TRPC6: variants seen among roughly 807,000 people sequenced by gnomAD.
The protein encoded by TRPC6 is transient receptor potential cation channel subfamily C member 6.
In TRPC6, 55 loss-of-function variants were observed where a neutral mutation model predicts 90.7. The observed-to-expected ratio is 0.61, with a 90% CI of 0.49 to 0.76. TRPC6 has a LOEUF of 0.76. Among genes scored for constraint, TRPC6 ranks in the 30% least tolerant of loss-of-function variants. The pLI, the probability that TRPC6 is intolerant of heterozygous loss-of-function variation, is 0.00. For synonymous variants in TRPC6, 393 were observed against 393.0 expected (o/e 1.00, Z 0.00); for missense variants, 989 against 1,122.7 (o/e 0.88, Z 1.70).
At chr11:101,463,629 G>T (rs373828174) in intron 10 of TRPC6, among the ~76,000 whole-genome samples, 1 of 152,146 alleles carries the variant, frequency 6.6e-6, no homozygotes, top group Non-Finnish European at 1.5e-5. Flanking sequence ...ATGGCAGTTT[G>T]TATTTCTGTG....
rs573864895 is a variant in TRPC6 at position 101,526,861 on chromosome 11, CAAAAAAAAAAAAAAAAAAAAA to C, written c.171-22084_171-22064del. Among the ~76,000 whole-genome samples, 3 of 36,120 alleles carry C rather than the reference CAAAAAAAAAAAAAAAAAAAAA, an allele frequency of 8.3e-5. No homozygotes were observed. The East Asian group carries it at 3.4e-3, about 41-fold the overall frequency. The allele number at this position is 36,120 out of a possible 152,430, so 23.7% of individuals were successfully genotyped here. On this transcript the variant is annotated intron_variant, in intron 1 of 12. Transcript: ENST00000344327. ...CCTGGGTGACAGAAGGAGACTGTCT[CAAAAAAAAAAAAAAAAAAAAA>C]AAAAAAAAAAAAAAAATTAAATAGT...
chr11:101,454,969 C>G (rs774686407), intron 11 of TRPC6, 49 bp downstream of exon 11: 1 of 1,457,670 alleles, frequency 6.9e-7, no homozygotes, highest in Non-Finnish European at 9.6e-7. Context: ...GTTCAAGAAC[C>G]TAAATATTAC....
intron 5 of TRPC6, among the ~76,000 whole-genome samples, chr11:101,478,503 C>CTT (rs1486688959): frequency 6.6e-6 from 1 of 152,122 alleles, no homozygotes; most frequent in East Asian, 1.9e-4. Flanking sequence ...TTTCTTTTCT[C>CTT]TTTCTCTCTT....
At chr11:101,538,952 G>A (rs1861114390) in intron 1 of TRPC6, among the ~76,000 whole-genome samples, 1 of 152,108 alleles carries the variant, frequency 6.6e-6, no homozygotes. Context: ...CTCAATAAGA[G>A]CCCAGACAGC....
At chr11:101,569,677 C>G (rs1861914279) in intron 1 of TRPC6, among the ~76,000 whole-genome samples, 1 of 152,142 alleles carries the variant, frequency 6.6e-6, no homozygotes, top group African/African-American at 2.4e-5. Context: ...GTCTCTCAGA[C>G]CACAGCGCAA....
chr11:101,547,498 C>T (rs924450380), intron 1 of TRPC6, among the ~76,000 whole-genome samples: 2 of 150,942 alleles, frequency 1.3e-5, no homozygotes, highest in African/African-American at 4.9e-5. Context: ...CCAAAACCTT[C>T]TTGGTTCAAA....
Position 101,548,457 on chromosome 11 carries a change from G to GAT in TRPC6, c.170+34875_170+34876dup, listed in dbSNP as rs143790648. Among the ~76,000 whole-genome samples, 167 of 123,464 alleles carry GAT rather than the reference G, an allele frequency of 1.4e-3. 1 individual carries two copies. Among genetic ancestry groups the GAT allele is most frequent in the Middle Eastern group, 0.012 (3 of 258 alleles). 81.0% of individuals were successfully genotyped at this position (123,464 alleles called of 152,430 possible). A position where few individuals can be genotyped will look rare whatever the true frequency, so the allele number is the denominator to read the frequency against. Reference sequence around the variant, plus strand: ...TATATAATACATAATTATATATACTGATATATATATATATATATATCTCTC... The same window carrying GAT: ...TATATAATACATAATTATATATACTGATATATATATATATATATATATCTCTC... On this transcript the variant is annotated intron_variant, in intron 1 of 12. Coordinates refer to ENST00000344327, the MANE Select transcript of TRPC6 (RefSeq NM_004621.6).
chr11:101,571,503 G>A (rs1861963693), intron 1 of TRPC6, among the ~76,000 whole-genome samples: 1 of 152,128 alleles, frequency 6.6e-6, no homozygotes, highest in South Asian at 2.1e-4. Flanking sequence ...TTTCTTCACA[G>A]AATTGGAAAA....
intron 1 of TRPC6, among the ~76,000 whole-genome samples, chr11:101,506,233 G>C (rs1458488941): frequency 6.8e-6 from 1 of 147,604 alleles, no homozygotes; most frequent in Non-Finnish European, 1.5e-5. Context: ...GGTTATAGGG[G>C]AGGCTAAAGA....
intron 1 of TRPC6, among the ~76,000 whole-genome samples, chr11:101,580,631 C>T (rs1862174976): frequency 1.4e-5 from 2 of 147,642 alleles, no homozygotes; most frequent in Non-Finnish European, 3.0e-5. Context: ...ACTGAAGCCC[C>T]ATAAATATAT....
intron 1 of TRPC6, among the ~76,000 whole-genome samples, chr11:101,579,924 T>A (rs1048546134): frequency 1.3e-5 from 2 of 152,174 alleles, no homozygotes; most frequent in East Asian, 1.9e-4. Context: ...GGCAACCACA[T>A]CATCACTTCA....
At chr11:101,517,316 T>C (rs1177491199) in intron 1 of TRPC6, among the ~76,000 whole-genome samples, 2 of 152,230 alleles carry the variant, frequency 1.3e-5, no homozygotes, top group African/African-American at 2.4e-5. Context: ...AAAGAAAAGT[T>C]CTATTTTCCA....
rs144964201 is a variant in TRPC6, at chr11:101,469,521, A to G, written c.2410-20T>C. On this transcript the variant is annotated intron_variant, in intron 9 of 12. Transcript: ENST00000344327. ...ATTTATCTTTTAAAGATAGATAGTA[A>G]AATGAGTATAACTGCATAACCAATT... is the stretch of plus-strand genomic sequence containing the variant. The G allele has an allele frequency of 4.0e-6, 3 of 741,498 alleles. No individual in the cohort carries two copies. Among genetic ancestry groups the G allele is most frequent in the African/African-American group, 3.4e-5 (2 of 58,310 alleles). The allele number at this position is 741,498 out of a possible 1,614,324, so 45.9% of individuals were successfully genotyped here. A position where few individuals can be genotyped will look rare whatever the true frequency, so the allele number is the denominator to read the frequency against.
intron 5 of TRPC6, among the ~76,000 whole-genome samples, chr11:101,481,301 G>A (rs969629433): frequency 1.2e-4 from 18 of 152,108 alleles, no homozygotes; most frequent in Non-Finnish European, 2.5e-4. Flanking sequence ...GAAAATCCCT[G>A]AGCCTAATTT....
chr11:101,566,356 A>G (rs1313876506), intron 1 of TRPC6, among the ~76,000 whole-genome samples: 1 of 152,172 alleles, frequency 6.6e-6, no homozygotes, highest in Non-Finnish European at 1.5e-5. Flanking sequence ...CTTTGGTCTC[A>G]GGAAGTTTAG....
At chr11:101,549,737 C>CAAA (rs1565239408) in intron 1 of TRPC6, among the ~76,000 whole-genome samples, 1 of 150,222 alleles carries the variant, frequency 6.7e-6, no homozygotes, top group Admixed American at 6.7e-5. Flanking sequence ...GAAAAAATGT[C>CAAA]AAAAAATAAA....
chr11:101,505,805 G>A (rs1286227688), intron 1 of TRPC6, among the ~76,000 whole-genome samples: 1 of 152,046 alleles, frequency 6.6e-6, no homozygotes, highest in Non-Finnish European at 1.5e-5. Context: ...ACTTGCCCAG[G>A]AAGTCAAGAC....
chr11:101,453,605 C>T (rs1358732151), intron 12 of TRPC6, 45 bp downstream of exon 12: 1 of 1,576,090 alleles, frequency 6.3e-7, no homozygotes. Context: ...AGGCCCCCGT[C>T]CTGACTCACA....
chr11:101,506,343 G>T (rs1487831522), intron 1 of TRPC6, among the ~76,000 whole-genome samples: 3 of 151,768 alleles, frequency 2.0e-5, no homozygotes, highest in Non-Finnish European at 4.4e-5. Context: ...AATATGTTCA[G>T]GTCTGGAGAA....
Sources: gnomAD v4.1 joint callset for allele counts (sites outside exome capture counted in the v4.1 genomes callset) on GRCh38, gnomAD v4.1.1 for gene constraint, MANE v1.5 for transcripts, NCBI Gene and HGNC (gene_info 2026-07-23, HGNC 2026-07-21) for gene names.